The following ZMYM2 variants were observed in gnomAD, a reference collection of about 807,000 sequenced individuals.
The protein encoded by ZMYM2 is zinc finger MYM-type protein 2.
ZMYM2 carries 56 observed loss-of-function variants against 162.8 expected under a neutral mutation model. That is an observed-to-expected ratio of 0.34 (90% CI 0.28 to 0.43). The LOEUF (loss-of-function observed/expected upper bound fraction) is 0.43. Ranked by LOEUF, ZMYM2 falls within the 20% of genes least tolerant of loss-of-function variation. The probability of loss-of-function intolerance (pLI) is 1.00; values close to 1 mark genes in which losing one functional copy is unlikely to be tolerated. For synonymous variants in ZMYM2, 510 were observed against 541.6 expected (o/e 0.94, Z 0.81); for missense variants, 1,275 against 1,621.8 (o/e 0.79, Z 3.67).
At chr13:19,909,748 T>C in the ZMYM2 span, among the ~76,000 whole-genome samples, 1 of 152,064 alleles carries the variant, frequency 6.6e-6, no homozygotes. Context: ...TCTGCCTTTT[T>C]CAGAACTTGC....
intron 12 of ZMYM2, among the ~76,000 whole-genome samples, chr13:20,037,363 G>A (rs920980490): frequency 3.3e-5 from 5 of 151,660 alleles, no homozygotes; most frequent in South Asian, 2.1e-4. Context: ...TTACAGGCGC[G>A]TGCCACCACG....
At chr13:19,981,486 T>C (rs1468868921) in intron 2 of ZMYM2, among the ~76,000 whole-genome samples, 1 of 152,148 alleles carries the variant, frequency 6.6e-6, no homozygotes, top group East Asian at 1.9e-4. Context: ...TATAAGCAAG[T>C]GTTTTGGGCT....
intron 2 of ZMYM2, among the ~76,000 whole-genome samples, chr13:19,978,693 G>A (rs1238505319): frequency 6.6e-6 from 1 of 152,140 alleles, no homozygotes; most frequent in African/African-American, 2.4e-5. Context: ...GGGATTACAG[G>A]TGTGAGCCAC....
chr13:20,021,285 C>T, intron 7 of ZMYM2, among the ~76,000 whole-genome samples: 1 of 151,046 alleles, frequency 6.6e-6, no homozygotes, highest in East Asian at 1.9e-4. Flanking sequence ...TTACTGTTTT[C>T]ATATCTGCCA....
At chr13:20,033,678 A>G (rs1043112802) in intron 10 of ZMYM2, among the ~76,000 whole-genome samples, 1 of 152,206 alleles carries the variant, frequency 6.6e-6, no homozygotes. Context: ...TTTGAAAAGT[A>G]GCTCTGGCTA....
intron 6 of ZMYM2, among the ~76,000 whole-genome samples, chr13:20,014,982 A>G (rs966536245): frequency 7.9e-5 from 12 of 151,886 alleles, no homozygotes; most frequent in Non-Finnish European, 1.5e-4. Flanking sequence ...ACTGGTCTTG[A>G]ACTCCTGACC....
intron 2 of ZMYM2, among the ~76,000 whole-genome samples, chr13:19,976,311 A>G (rs1168544333): frequency 6.6e-6 from 1 of 150,884 alleles, no homozygotes; most frequent in Non-Finnish European, 1.5e-5. Context: ...CTGGCGACAG[A>G]GTGAGACTGC....
At chr13:20,023,560 C>T (rs1952303777) in intron 7 of ZMYM2, among the ~76,000 whole-genome samples, 1 of 152,182 alleles carries the variant, frequency 6.6e-6, no homozygotes, top group Non-Finnish European at 1.5e-5. Flanking sequence ...ACTTACCCAT[C>T]ATATCTACGT....
At chr13:19,894,477 C>G in the ZMYM2 span, among the ~76,000 whole-genome samples, 1 of 151,692 alleles carries the variant, frequency 6.6e-6, no homozygotes, top group African/African-American at 2.4e-5. Flanking sequence ...TCCCAAGTAG[C>G]TGGAATTACA....
chr13:20,052,410 G>GTT, intron 14 of ZMYM2, 99 bp downstream of exon 14: 1 of 1,232,034 alleles, frequency 8.1e-7, no homozygotes, highest in Non-Finnish European at 1.1e-6. Context: ...TAATTTTTTT[G>GTT]GTTTTTTTTT....
intron 21 of ZMYM2, among the ~76,000 whole-genome samples, chr13:20,071,271 C>T (rs1215208240): frequency 6.6e-6 from 1 of 152,196 alleles, no homozygotes; most frequent in Non-Finnish European, 1.5e-5. Flanking sequence ...AGTCTTTGTA[C>T]TTCTGTTAAC....
At chr13:19,963,299 A>C (rs2139102565) in intron 2 of ZMYM2, among the ~76,000 whole-genome samples, 1 of 152,340 alleles carries the variant, frequency 6.6e-6, no homozygotes, top group South Asian at 2.1e-4. Flanking sequence ...TCAGTTGGTT[A>C]ATTTTCTTAT....
chr13:19,906,128 AGCCGG>A, the ZMYM2 span, among the ~76,000 whole-genome samples: 1 of 150,310 alleles, frequency 6.7e-6, no homozygotes, highest in Non-Finnish European at 1.5e-5. Context: ...ACAAAAAATT[AGCCGG>A]GCGTGGTGGC....
intron 21 of ZMYM2, chr13:20,068,204 G>C (rs542791458): frequency 5.5e-6 from 1 of 180,980 alleles, no homozygotes; most frequent in South Asian, 2.0e-4. Flanking sequence ...TACGTGAATA[G>C]GTTTACTTTT....
rs201984442 is a variant in ZMYM2, at chr13:20,063,263, C to T, written c.3037+292C>T. Among the ~76,000 whole-genome samples, 5 of 151,324 alleles carry T rather than the reference C, an allele frequency of 3.3e-5. No homozygotes were observed. Among genetic ancestry groups the T allele is most frequent in the African/African-American group, 4.9e-5 (2 of 41,118 alleles). ...ACTAAAAATATAAAAATTAGCCAGG[C>T]GTGGTGGTGCATGCCTGTAATCCCA... On this transcript the variant is annotated intron_variant, in intron 18 of 24. Coordinates refer to ENST00000610343, the MANE Select transcript of ZMYM2 (RefSeq NM_197968.4).
At chr13:19,891,265 C>T in the ZMYM2 span, among the ~76,000 whole-genome samples, 2 of 151,712 alleles carry the variant, frequency 1.3e-5, no homozygotes, top group South Asian at 2.1e-4. Flanking sequence ...GAGAAGAGGC[C>T]GCGTGAGGAC....
chr13:19,913,543 G>A, the ZMYM2 span, among the ~76,000 whole-genome samples: 3 of 152,128 alleles, frequency 2.0e-5, no homozygotes, highest in African/African-American at 7.2e-5. Context: ...TGGTCAACAT[G>A]GTGAGACCCC....
chr13:19,967,653 C>T (rs973638644), intron 2 of ZMYM2, among the ~76,000 whole-genome samples: 22 of 152,110 alleles, frequency 1.4e-4, no homozygotes, highest in African/African-American at 1.7e-4. Context: ...TACCAGTTTG[C>T]GATATCAGGC....
At chr13:19,966,511 AT>A (rs1955800824) in intron 2 of ZMYM2, among the ~76,000 whole-genome samples, 1 of 151,254 alleles carries the variant, frequency 6.6e-6, no homozygotes, top group Non-Finnish European at 1.5e-5. Context: ...TTGGAGTGCA[AT>A]GGTGTGATCA....
Sources: allele counts gnomAD v4.1 joint callset (sites outside exome capture counted in the v4.1 genomes callset), GRCh38; gene constraint gnomAD v4.1.1; transcripts MANE v1.5; gene names NCBI Gene and HGNC (gene_info 2026-07-23, HGNC 2026-07-21).